DNAAF9: variants seen among roughly 807,000 people sequenced by gnomAD.
DNAAF9 encodes dynein axonemal assembly factor 9.
DNAAF9 carries 90 observed loss-of-function variants against 167.0 expected under a neutral mutation model. That is an observed-to-expected ratio of 0.54 (90% CI 0.45 to 0.64). The LOEUF is 0.64. Ranked by LOEUF, DNAAF9 falls within the 30% of genes least tolerant of loss-of-function variation. The pLI, the probability that DNAAF9 is intolerant of heterozygous loss-of-function variation, is 0.00. For synonymous variants in DNAAF9, 491 were observed against 508.8 expected (o/e 0.96, Z 0.47); for missense variants, 1,315 against 1,442.2 (o/e 0.91, Z 1.43).
intron 14 of DNAAF9, among the ~76,000 whole-genome samples, chr20:3,323,274 CTTTTTTTTTTTT>C (rs71195835): frequency 7.2e-5 from 5 of 69,110 alleles, no homozygotes; most frequent in East Asian, 9.7e-4. Flanking sequence ...GTGAAGTAAT[CTTTTTTTTTTTT>C]TTTTTTTTTT....
chr20:3,268,878 A>G (rs1406126580), intron 30 of DNAAF9, among the ~76,000 whole-genome samples: 4 of 143,468 alleles, frequency 2.8e-5, no homozygotes, highest in South Asian at 4.3e-4. Flanking sequence ...TGAAGTAAAG[A>G]GATAATATCT....
intron 30 of DNAAF9, among the ~76,000 whole-genome samples, chr20:3,267,494 C>G (rs559149907): frequency 6.1e-5 from 9 of 146,950 alleles, no homozygotes; most frequent in African/African-American, 2.3e-4. Context: ...TGTGGTATTA[C>G]TATTCTGGTC....
intron 21 of DNAAF9, among the ~76,000 whole-genome samples, chr20:3,300,680 AT>A (rs1314157075): frequency 2.5e-4 from 6 of 23,672 alleles, no homozygotes; most frequent in Non-Finnish European, 5.5e-4. Flanking sequence ...CTCCATCTAA[AT>A]AATAATAATA....
chr20:3,280,705 T>C (rs1489905916), intron 28 of DNAAF9, among the ~76,000 whole-genome samples: 1 of 152,014 alleles, frequency 6.6e-6, no homozygotes, highest in Non-Finnish European at 1.5e-5. Context: ...AGCCTCAACC[T>C]CTTGGGCTCA....
At chr20:3,335,088 C>T (rs529150877) in intron 10 of DNAAF9, among the ~76,000 whole-genome samples, 10 of 152,180 alleles carry the variant, frequency 6.6e-5, no homozygotes, top group Non-Finnish European at 1.5e-4. Context: ...TGGATATACA[C>T]TGGGTGGTTT....
chr20:3,339,881 C>A (rs1022357793), intron 10 of DNAAF9, among the ~76,000 whole-genome samples: 1 of 152,114 alleles, frequency 6.6e-6, no homozygotes, highest in South Asian at 2.1e-4. Context: ...CAGAGTGAGA[C>A]CCTGTCTCAA....
chr20:3,354,386 C>T (rs1007718153), intron 7 of DNAAF9, among the ~76,000 whole-genome samples: 2 of 152,246 alleles, frequency 1.3e-5, no homozygotes, highest in African/African-American at 4.8e-5. Flanking sequence ...AACCATGCCA[C>T]TGTGCCTTGG....
intron 6 of DNAAF9, among the ~76,000 whole-genome samples, chr20:3,368,134 C>T (rs936540822): frequency 2.4e-4 from 36 of 152,110 alleles, no homozygotes; most frequent in African/African-American, 7.0e-4. Context: ...CTGCTGAGTA[C>T]CGACTGGGGC....
intron 6 of DNAAF9, among the ~76,000 whole-genome samples, chr20:3,373,682 GA>G (rs1478854077): frequency 6.6e-6 from 1 of 152,140 alleles, no homozygotes; most frequent in African/African-American, 2.4e-5. Flanking sequence ...CCAGTACAAA[GA>G]CCAGGGTGGA....
chr20:3,259,922 C>T lies in DNAAF9; in HGVS notation c.2980G>A (p.Ala994Thr), dbSNP rs1390959395. Residue 994 changes from alanine (A) to threonine (T), a missense_variant and splice_region_variant, in exon 32 of 37, where the codon GCA (alanine) becomes ACA (threonine). Ala to Thr is a moderately conservative substitution (Grantham distance 58). Coordinates refer to ENST00000252032, the MANE Select transcript of DNAAF9 (RefSeq NM_001009984.3). Reference protein sequence around the residue: ...EKTRFVAKCKAIQSSIKPSPF... With the variant: ...EKTRFVAKCKTIQSSIKPSPF... ...CTAGGACATCTCAGTCAAGGCTTAC[C>T]TTTACATTTGGCCACAAAGCGAGTC... The T allele has an allele frequency of 6.3e-7, 1 of 1,581,112 alleles. No individual in the cohort carries two copies. Among genetic ancestry groups the T allele is most frequent in the East Asian group, 2.2e-5 (1 of 44,740 alleles).
At chr20:3,290,240 G>A (rs1184697189) in intron 25 of DNAAF9, 23 bp from the exon 26 acceptor site, 16 of 1,467,830 alleles carry the variant, frequency 1.1e-5, no homozygotes, top group Middle Eastern at 1.7e-4. Flanking sequence ...AAAGTCATGG[G>A]TTTGCAATTC....
intron 6 of DNAAF9, among the ~76,000 whole-genome samples, chr20:3,367,913 TAA>T (rs35776183): frequency 4.2e-5 from 6 of 142,144 alleles, no homozygotes; most frequent in Admixed American, 7.0e-5. Flanking sequence ...TCAATTTGTT[TAA>T]AAAAAAAAAA....
chr20:3,316,897 T>C, intron 17 of DNAAF9, 104 bp from the exon 18 acceptor site: 2 of 630,404 alleles, frequency 3.2e-6, no homozygotes, highest in Non-Finnish European at 5.4e-6. Flanking sequence ...GTTCTTTTTT[T>C]TTTTTTTTTT....
intron 25 of DNAAF9, among the ~76,000 whole-genome samples, chr20:3,293,924 A>G (rs2069015350): frequency 6.6e-6 from 1 of 152,190 alleles, no homozygotes; most frequent in Non-Finnish European, 1.5e-5. Flanking sequence ...TGTCACTGTC[A>G]TGAGGCTTGG....
chr20:3,263,441 C>G (rs1010693596), intron 31 of DNAAF9, among the ~76,000 whole-genome samples: 1 of 152,156 alleles, frequency 6.6e-6, no homozygotes, highest in African/African-American at 2.4e-5. Context: ...TTCAACAGAG[C>G]AGAAACAAAT....
At chr20:3,385,681 C>T (rs1199315945) in intron 1 of DNAAF9, among the ~76,000 whole-genome samples, 7 of 152,182 alleles carry the variant, frequency 4.6e-5, no homozygotes, top group African/African-American at 1.7e-4. Context: ...ATCCTCCCAC[C>T]TTGGCCTTCC....
rs115981057 is a variant in DNAAF9 at position 3,365,200 on chromosome 20, C to T, written c.613-5607G>A. On this transcript the variant is annotated intron_variant, in intron 6 of 36. Coordinates refer to ENST00000252032, the MANE Select transcript of DNAAF9 (RefSeq NM_001009984.3). ...ATGTTGCTCAGACTGATCTTGAACT[C>T]CTAGTCTCAAGTGATCCTCTTGCCT... 9.0e-3 allele frequency among the ~76,000 whole-genome samples: 1,370 copies of T among 152,118 alleles called. 19 individuals carry two copies. The highest frequency in any genetic ancestry group is 0.032 in the African/African-American group (1,315 of 41,484).
rs2068174177 is a variant in DNAAF9 at position 3,250,034 on chromosome 20, T to G, written c.*2538A>C. 1 of 152,206 alleles carries G rather than the reference T, an allele frequency of 6.6e-6. No homozygotes were observed. Among genetic ancestry groups the G allele is most frequent in the Non-Finnish European group, 1.5e-5 (1 of 68,044 alleles). The allele number at this position is 152,206 out of a possible 1,614,324, so 9.4% of individuals were successfully genotyped here. A position where few individuals can be genotyped will look rare whatever the true frequency, so the allele number is the denominator to read the frequency against. On this transcript the variant is annotated 3_prime_UTR_variant, in exon 37 of 37. Transcript: ENST00000252032. ...ACCCGTAACTTCAGCGACTTCAACA[T>G]TATCCCACGCACTCTGGGTGATATA...
At chr20:3,340,454 C>G in intron 10 of DNAAF9, 50 bp downstream of exon 10, 1 of 1,053,078 alleles carries the variant, frequency 9.5e-7, no homozygotes, top group Non-Finnish European at 1.3e-6. Flanking sequence ...ACCCCACCCC[C>G]ACAACTTGAT....
Sources: allele counts gnomAD v4.1 joint callset (sites outside exome capture counted in the v4.1 genomes callset), GRCh38; gene constraint gnomAD v4.1.1; transcripts MANE v1.5; gene names NCBI Gene and HGNC (gene_info 2026-07-23, HGNC 2026-07-21).